ARSA: variants seen among roughly 807,000 people sequenced by gnomAD.
ARSA encodes arylsulfatase A, also known as cerebroside-sulfatase.
In ARSA, 32 loss-of-function variants were observed where a neutral mutation model predicts 37.8. The ratio of observed to expected loss-of-function variants is 0.85; its 90% CI spans 0.64 to 1.14. ARSA has a LOEUF of 1.14. ARSA is among the 50% of genes most tolerant of loss of function. The pLI is 0.00. For missense variants in ARSA, 685 were observed against 686.3 expected (o/e 1.00, Z 0.02); for synonymous variants, 303 against 303.4 (o/e 1.00, Z 0.01).
intron 6 of ARSA, 95 bp from the exon 7 acceptor site, chr22:50,625,776 C>T (rs1260102552): frequency 6.4e-7 from 1 of 1,552,846 alleles, no homozygotes. Context: ...TGGACGTGCA[C>T]CGCTTCTTGC....
rs772592144 is a variant in ARSA at position 50,626,251 on chromosome 22, G to A, written c.882C>T (p.Gly294=). 109 of 1,613,330 alleles carry A rather than the reference G, an allele frequency of 6.8e-5. No homozygotes were observed. The highest frequency in any genetic ancestry group is 8.0e-5 in the Non-Finnish European group (94 of 1,179,952). ...CACACCGCAAGAGACCGGAGCAGCCGCCTCGGGACATACGCATGGTCTCAG... is the reference window on the plus strand; with the variant it reads ...CACACCGCAAGAGACCGGAGCAGCCACCTCGGGACATACGCATGGTCTCAG... The part of the protein sequence containing the change: ...NGPETMRMSR[G]GCSGLLRCGK... Residue 294 remains glycine, a synonymous_variant, in exon 5 of 8, where the codon GGC becomes GGT. Coordinates refer to ENST00000216124, the MANE Select transcript of ARSA (RefSeq NM_000487.6).
rs2082704850 is a variant in ARSA at position 50,627,903 on chromosome 22, CG to C, written c.-125del. On this transcript the variant is annotated 5_prime_UTR_variant, in exon 1 of 8. Coordinates refer to ENST00000216124, the MANE Select transcript of ARSA (RefSeq NM_000487.6). ...GGACCCAAATACTCCCCGACCCTGACGGCCGCCTCCTGAAGCTCCAGAGGGC... is the reference window on the plus strand; with the variant it reads ...GGACCCAAATACTCCCCGACCCTGACGCCGCCTCCTGAAGCTCCAGAGGGC... 3 of 972,628 alleles carry C rather than the reference CG, an allele frequency of 3.1e-6. No individual in the cohort carries two copies. The highest frequency in any genetic ancestry group is 4.5e-6 in the Non-Finnish European group (3 of 670,208). 60.2% of individuals were successfully genotyped at this position (972,628 alleles called of 1,614,324 possible). A position where few individuals can be genotyped will look rare whatever the true frequency, so the allele number is the denominator to read the frequency against.
In ARSA at chr22:50,625,366, G is replaced by T. The variant is rs777133139; in HGVS notation, c.1309C>A (p.Pro437Thr). Reference sequence around the variant, plus strand: ...CCCAGCAGGTTGTAGTTCTCACCAGGGTCCTTGGACAGGTCATAGAGCAGC... The same window carrying T: ...CCCAGCAGGTTGTAGTTCTCACCAGTGTCCTTGGACAGGTCATAGAGCAGC... Reference protein sequence around the residue: ...PPLLYDLSKDPGENYNLLGGV... With the variant: ...PPLLYDLSKDTGENYNLLGGV... The change falls in exon 8 of 8, where the codon CCT becomes ACT. Residue 437 changes from proline to threonine, a missense_variant. Pro to Thr is a conservative substitution (Grantham distance 38). Transcript: ENST00000216124. 4 of 1,609,258 alleles carry T rather than the reference G, an allele frequency of 2.5e-6. No homozygotes were observed. Among genetic ancestry groups the T allele is most frequent in the Non-Finnish European group, 3.4e-6 (4 of 1,177,380 alleles).
At position 50,626,204 on chromosome 22, in the gene ARSA, C is replaced by T. The variant is rs199476356; in HGVS notation, c.929G>A (p.Gly310Asp). Residue 310 changes from glycine (G) to aspartate (D), a missense_variant, in exon 5 of 8, where the codon GGC becomes GAC. Gly to Asp is a moderately conservative substitution (Grantham distance 94). Transcript: ENST00000216124. ...GGCCAAGGCAGGCTCTCGGACACCG[C>T]CCTCGTAGGTCGTTCCCTTTCCACA... ...LRCGKGTTYEGGVREPALAFW... is the reference protein window; with the variant it reads ...LRCGKGTTYEDGVREPALAFW... 6.2e-7 allele frequency: 1 copy of T among 1,612,346 alleles called. No individual in the cohort carries two copies. Among genetic ancestry groups the T allele is most frequent in the Non-Finnish European group, 8.5e-7 (1 of 1,179,534 alleles).
Position 50,627,038 on chromosome 22 carries a change from G to A in ARSA, c.480C>T (p.Asn160=). 6.2e-7 allele frequency: 1 copy of A among 1,607,834 alleles called. No homozygotes were observed. The highest frequency in any genetic ancestry group is 8.5e-7 in the Non-Finnish European group (1 of 1,176,594). The change falls in exon 3 of 8, where the codon AAC becomes AAT. Residue 160 remains asparagine, a synonymous_variant. Transcript: ENST00000216124. ...PYSHDQGPCQ[N]LTCFPPATPC... ...GAGTGGCCGGCGGGAAGCAGGTCAG[G>A]TTCTGGCAGGGGCCCTGAGGCGGGC...
Position 50,626,633 on chromosome 22 carries a change from C to T in ARSA, c.812G>A (p.Gly271Glu). Residue 271 changes from glycine (G) to glutamate (E), a missense_variant, in exon 4 of 8, where the codon GGG (glycine) becomes GAG (glutamate). Coordinates refer to ENST00000216124, the MANE Select transcript of ARSA (RefSeq NM_000487.6). ...GTLMTAIGDLGLLEETLVIFT... is the reference protein window; with the variant it reads ...GTLMTAIGDLELLEETLVIFT... ...GATGACCAGCGTCTCTTCAAGCAGC[C>T]CCAGGTCCCCTATGGCTGTCATCAG... 1.2e-6 allele frequency: 2 copies of T among 1,614,084 alleles called. No individual in the cohort carries two copies. The highest frequency in any genetic ancestry group is 1.7e-6 in the Non-Finnish European group (2 of 1,180,036).
chr22:50,627,938 G>C lies in ARSA; in HGVS notation c.-159C>G, dbSNP rs6151407. ...CTGAAGCTCCAGAGGGCCGGGGCCC[G>C]ACAGTACCGGGAGACCGCGGGCTGG... On this transcript the variant is annotated 5_prime_UTR_variant, in exon 1 of 8. Coordinates refer to ENST00000216124, the MANE Select transcript of ARSA (RefSeq NM_000487.6). 2.8e-6 allele frequency: 2 copies of C among 707,234 alleles called. No homozygotes were observed. The highest frequency in any genetic ancestry group is 1.9e-5 in the South Asian group (1 of 53,266). 43.8% of individuals were successfully genotyped at this position (707,234 alleles called of 1,614,324 possible). A position where few individuals can be genotyped will look rare whatever the true frequency, so the allele number is the denominator to read the frequency against.
rs1483727422 is a variant in ARSA at position 50,627,008 on chromosome 22, G to C, written c.510C>G (p.Cys170Trp). 4 of 1,611,038 alleles carry C rather than the reference G, an allele frequency of 2.5e-6. No homozygotes were observed. The highest frequency in any genetic ancestry group is 3.4e-6 in the Non-Finnish European group (4 of 1,178,808). ...CCAGGCCCTGGTCACAGCCACCGTC[G>C]CAAGGAGTGGCCGGCGGGAAGCAGG... The part of the protein sequence containing the change: ...NLTCFPPATP[C>W]DGGCDQGLVP... The change falls in exon 3 of 8, where the codon TGC becomes TGG. Residue 170 changes from cysteine (C) to tryptophan (W), a missense_variant. Transcript: ENST00000216124.
rs1243908959 is a variant in ARSA, at chr22:50,627,888, A to C, written c.-109T>G. ...CTTCCCTGAGACCCCGGACCCAAAT[A>C]CTCCCCGACCCTGACGGCCGCCTCC... On this transcript the variant is annotated 5_prime_UTR_variant, in exon 1 of 8. Coordinates refer to ENST00000216124, the MANE Select transcript of ARSA (RefSeq NM_000487.6). 3.6e-6 allele frequency: 4 copies of C among 1,112,570 alleles called. No homozygotes were observed. The highest frequency in any genetic ancestry group is 3.8e-6 in the Non-Finnish European group (3 of 791,722). 68.9% of individuals were successfully genotyped at this position (1,112,570 alleles called of 1,614,324 possible). A position where few individuals can be genotyped will look rare whatever the true frequency, so the allele number is the denominator to read the frequency against.
chr22:50,626,420 C>A, intron 4 of ARSA, 142 bp from the exon 5 acceptor site: 1 of 1,498,208 alleles, frequency 6.7e-7, no homozygotes, highest in South Asian at 1.2e-5. Context: ...CCTACCAAGA[C>A]CAGCTCTCTG....
In ARSA at chr22:50,625,175, A is replaced by G. The variant is rs762056118; in HGVS notation, c.1500T>C (p.Ala500=). The change falls in exon 8 of 8, where the codon GCT becomes GCC. Residue 500 remains alanine (A), a synonymous_variant. Coordinates refer to ENST00000216124, the MANE Select transcript of ARSA (RefSeq NM_000487.6). ...CCHPGCTPRP[A]CCHCPDPHA is the part of the protein sequence containing the mutation. ...CATGGGGATCTGGGCAATGGCAGCAAGCTGGGCGGGGGGTGCAGCCAGGAT... is the reference window on the plus strand; with the variant it reads ...CATGGGGATCTGGGCAATGGCAGCAGGCTGGGCGGGGGGTGCAGCCAGGAT... 1.3e-6 allele frequency: 2 copies of G among 1,591,908 alleles called. No homozygotes were observed. Among genetic ancestry groups the G allele is most frequent in the Non-Finnish European group, 1.7e-6 (2 of 1,169,634 alleles).
rs531556095 is a variant in ARSA, at chr22:50,627,850, C to T, written c.-71G>A. ...AGCAGGCTCTTTCCGATACCGCAGA[C>T]CCAGGCGCCGCCCTTCCCTGAGACC... On this transcript the variant is annotated 5_prime_UTR_variant, in exon 1 of 8. Coordinates refer to ENST00000216124, the MANE Select transcript of ARSA (RefSeq NM_000487.6). 15 of 1,422,764 alleles carry T rather than the reference C, an allele frequency of 1.1e-5. No individual in the cohort carries two copies. The highest frequency in any genetic ancestry group is 7.6e-6 in the Non-Finnish European group (8 of 1,054,856). The allele number at this position is 1,422,764 out of a possible 1,614,324, so 88.1% of individuals were successfully genotyped here.
rs376910590 is a variant in ARSA, at chr22:50,624,153, C to T, written c.*992G>A. On this transcript the variant is annotated 3_prime_UTR_variant, in exon 8 of 8. Transcript: ENST00000216124. ...ATGGTGCGATCTCGGCTCACTGCAA[C>T]CACCGCCTCCCAGGTTCAAGTGATT... Among the ~76,000 whole-genome samples the T allele has an allele frequency of 8.4e-3, 1,272 of 152,080 alleles. 12 individuals are homozygous for T. Among genetic ancestry groups the T allele is most frequent in the South Asian group, 0.043 (207 of 4,814 alleles).
At chr22:50,625,549 C>T (rs1440090694) in intron 7 of ARSA, 30 bp downstream of exon 7, 11 of 1,551,218 alleles carry the variant, frequency 7.1e-6, no homozygotes, top group Middle Eastern at 1.7e-4. Context: ...GTCAGCAGGT[C>T]GGGGGGAGGG....
In ARSA at chr22:50,627,384, G is replaced by C; in HGVS notation, c.247C>G (p.Leu83Val). The stretch of plus-strand genomic sequence containing the variant: ...GGGTACATGCCCATCCGAACCGGGA[G>C]CCGGCCGGTCAGGAGGGCGGCCCTG... ...PSRAALLTGR[L>V]PVRMGMYPGV... The change falls in exon 2 of 8, where the codon CTC becomes GTC. Residue 83 changes from leucine to valine, a missense_variant. Coordinates refer to ENST00000216124, the MANE Select transcript of ARSA (RefSeq NM_000487.6). 6.2e-7 allele frequency: 1 copy of C among 1,607,158 alleles called. No homozygotes were observed. Among genetic ancestry groups the C allele is most frequent in the Non-Finnish European group, 8.5e-7 (1 of 1,178,634 alleles).
Position 50,626,769 on chromosome 22 carries a change from A to G in ARSA, c.685-9T>C. ...TGAGGGTAGTGGGTGTGCTGGGGGC[A>G]AAGACTGGAGTTAGCACTGGGTAGG... On this transcript the variant is annotated splice_polypyrimidine_tract_variant and intron_variant, in intron 3 of 7. Coordinates refer to ENST00000216124, the MANE Select transcript of ARSA (RefSeq NM_000487.6). The G allele has an allele frequency of 6.2e-7, 1 of 1,612,552 alleles. No individual in the cohort carries two copies. The highest frequency in any genetic ancestry group is 8.5e-7 in the Non-Finnish European group (1 of 1,178,850).
chr22:50,624,111 GC>G lies in ARSA; in HGVS notation c.*1033del, dbSNP rs1300886635. On this transcript the variant is annotated 3_prime_UTR_variant, in exon 8 of 8. Transcript: ENST00000216124. ...TTTGAGACAGAGTTTTTCTCTTGTT[GC>G]CCAGGCTGGAGTGCAATGGTGCGAT... 1.3e-5 allele frequency among the ~76,000 whole-genome samples: 2 copies of G among 151,858 alleles called. No homozygotes were observed. Among genetic ancestry groups the G allele is most frequent in the Non-Finnish European group, 1.5e-5 (1 of 67,976 alleles).
chr22:50,626,185 G>A lies in ARSA; in HGVS notation c.948C>T (p.Ala316=), dbSNP rs1225823402. ...CGATATGACCTGGCCAGAAGGCCAA[G>A]GCAGGCTCTCGGACACCGCCCTCGT... ...TTYEGGVREP[A]LAFWPGHIAP... The change falls in exon 5 of 8, where the codon GCC becomes GCT. Residue 316 remains alanine (A), a synonymous_variant. Coordinates refer to ENST00000216124, the MANE Select transcript of ARSA (RefSeq NM_000487.6). 1.2e-6 allele frequency: 2 copies of A among 1,609,454 alleles called. No individual in the cohort carries two copies. The highest frequency in any genetic ancestry group is 1.7e-5 in the Admixed American group (1 of 59,098).
At chr22:50,625,485 G>C in intron 7 of ARSA, 21 bp from the exon 8 acceptor site, 2 of 1,610,362 alleles carry the variant, frequency 1.2e-6, no homozygotes, top group Non-Finnish European at 1.7e-6. Flanking sequence ...GGCCAATTCT[G>C]TGCACAGGGC....
Sources: allele counts gnomAD v4.1 joint callset (sites outside exome capture counted in the v4.1 genomes callset), GRCh38; gene constraint gnomAD v4.1.1; transcripts MANE v1.5; gene names NCBI Gene and HGNC (gene_info 2026-07-23, HGNC 2026-07-21).